ANKS1B: variants seen among roughly 807,000 people sequenced by gnomAD.
ANKS1B encodes the protein ankyrin repeat and sterile alpha motif domain containing 1B.
A neutral mutation model predicts 148.3 loss-of-function variants in ANKS1B; 36 were observed. The observed-to-expected ratio is 0.24, with a 90% CI of 0.19 to 0.32. ANKS1B has a LOEUF of 0.32. Among genes scored for constraint, ANKS1B ranks in the 10% least tolerant of loss-of-function variants. ANKS1B has a pLI of 1.00. For missense variants in ANKS1B, 1,157 were observed against 1,542.6 expected, an observed-to-expected ratio of 0.75 and a Z score of 4.19; for synonymous variants, 542 against 560.8, an observed-to-expected ratio of 0.97 and a Z score of 0.47.
chr12:99,005,608 G>T (rs923489255), intron 17 of ANKS1B, among the ~76,000 whole-genome samples: 2 of 152,010 alleles, frequency 1.3e-5, no homozygotes, highest in Non-Finnish European at 2.9e-5. Flanking sequence ...TTTCCCTCTC[G>T]ATTGCTTTAG....
chr12:98,736,333 A>C (rs927853518), intron 9 of ANKS1B, among the ~76,000 whole-genome samples: 5 of 152,206 alleles, frequency 3.3e-5, no homozygotes, highest in Non-Finnish European at 7.3e-5. Context: ...TGAAGATAAG[A>C]GTTAATAGGA....
intron 6 of ANKS1B, among the ~76,000 whole-genome samples, chr12:99,778,205 G>GA (rs139497214): frequency 0.019 from 2,849 of 148,834 alleles, 93 homozygotes; most frequent in African/African-American, 0.066. Context: ...CTCTCAAAAA[G>GA]AAAAAAAAAG....
chr12:99,214,549 T>G (rs1646336901), intron 14 of ANKS1B, among the ~76,000 whole-genome samples: 1 of 152,220 alleles, frequency 6.6e-6, no homozygotes, highest in South Asian at 2.1e-4. Context: ...ATGCCTTTGC[T>G]TCTCCTTTGC....
At chr12:98,795,873 T>C (rs1056291399) in intron 22 of ANKS1B, among the ~76,000 whole-genome samples, 2 of 152,168 alleles carry the variant, frequency 1.3e-5, no homozygotes, top group African/African-American at 4.8e-5. Flanking sequence ...TTTTCCCATA[T>C]GTAAAGTGGG....
intron 17 of ANKS1B, among the ~76,000 whole-genome samples, chr12:98,997,307 C>T (rs931615749): frequency 5.3e-5 from 8 of 151,798 alleles, no homozygotes; most frequent in Admixed American, 1.3e-4. Flanking sequence ...CTTTGTATTC[C>T]GTATATTGAT....
At chr12:99,929,370 T>A (rs1443377720) in intron 1 of ANKS1B, among the ~76,000 whole-genome samples, 1 of 152,112 alleles carries the variant, frequency 6.6e-6, no homozygotes, top group East Asian at 1.9e-4. Flanking sequence ...TAAATTTGTT[T>A]GAGTTCATTG....
intron 1 of ANKS1B, among the ~76,000 whole-genome samples, chr12:99,863,371 C>T (rs2090293796): frequency 6.6e-6 from 1 of 152,102 alleles, no homozygotes; most frequent in South Asian, 2.1e-4. Flanking sequence ...ATCCTTCAAG[C>T]ATTACATTTT....
At chr12:99,154,903 A>C (rs923040349) in intron 14 of ANKS1B, 1 of 1,535,346 alleles carries the variant, frequency 6.5e-7, no homozygotes, top group Non-Finnish European at 8.7e-7. Context: ...AATAATAGCC[A>C]TCAGATAAGG....
At chr12:98,840,509 G>A (rs12813822) in intron 17 of ANKS1B, among the ~76,000 whole-genome samples, 5 of 152,168 alleles carry the variant, frequency 3.3e-5, no homozygotes, top group African/African-American at 4.8e-5. Flanking sequence ...GGAGGAATGC[G>A]TGTTTTCTGA....
chr12:99,736,479 A>G (rs2059627280), intron 8 of ANKS1B, among the ~76,000 whole-genome samples: 1 of 151,570 alleles, frequency 6.6e-6, no homozygotes, highest in Non-Finnish European at 1.5e-5. Flanking sequence ...AAAGAAACCA[A>G]GAAGGCAATC....
chr12:98,778,093 T>C (rs1425230297), intron 24 of ANKS1B, among the ~76,000 whole-genome samples: 1 of 152,210 alleles, frequency 6.6e-6, no homozygotes, highest in Non-Finnish European at 1.5e-5. Context: ...CCAGGGCAGA[T>C]TAAACAATCA....
At chr12:99,068,713 G>C (rs1280581087) in intron 16 of ANKS1B, among the ~76,000 whole-genome samples, 1 of 151,746 alleles carries the variant, frequency 6.6e-6, no homozygotes, top group Non-Finnish European at 1.5e-5. Flanking sequence ...CAGAGAGAGA[G>C]AGAGAGAGAG....
intron 1 of ANKS1B, among the ~76,000 whole-genome samples, chr12:99,948,233 G>C (rs2095120996): frequency 6.6e-6 from 1 of 151,924 alleles, no homozygotes; most frequent in African/African-American, 2.4e-5. Context: ...AAAGCGAAAA[G>C]ACCTTGAAGA....
intron 10 of ANKS1B, among the ~76,000 whole-genome samples, chr12:99,489,277 T>C (rs1283080977): frequency 3.4e-5 from 5 of 149,112 alleles, no homozygotes; most frequent in African/African-American, 1.2e-4. Context: ...CACAAATGTA[T>C]ATACACCAAA....
intron 5 of ANKS1B, 86 bp downstream of exon 5, chr12:99,781,936 G>A: frequency 1.7e-6 from 2 of 1,185,570 alleles, no homozygotes; most frequent in Non-Finnish European, 2.4e-6. Context: ...GATTTGTGAA[G>A]AAAACTGTGT....
At chr12:99,234,335 C>T (rs1038150263) in intron 14 of ANKS1B, among the ~76,000 whole-genome samples, 2 of 152,082 alleles carry the variant, frequency 1.3e-5, no homozygotes, top group African/African-American at 4.8e-5. Context: ...CTTTCTGTGC[C>T]AGGGTACTCT....
chr12:99,917,035 C>G (rs1172442554), intron 1 of ANKS1B, among the ~76,000 whole-genome samples: 1 of 152,196 alleles, frequency 6.6e-6, no homozygotes, highest in African/African-American at 2.4e-5. Context: ...TTGAGTAGCA[C>G]TGTTCTAAAG....
At chr12:99,795,223 T>C (rs142366269) in intron 4 of ANKS1B, among the ~76,000 whole-genome samples, 201 of 151,828 alleles carry the variant, frequency 1.3e-3, no homozygotes, top group African/African-American at 4.0e-3. Flanking sequence ...CCTGGACATA[T>C]CACAGTAAAA....
intron 8 of ANKS1B, among the ~76,000 whole-genome samples, chr12:99,724,524 A>C (rs2058424715): frequency 6.6e-6 from 1 of 152,202 alleles, no homozygotes; most frequent in Non-Finnish European, 1.5e-5. Context: ...CCGAACCTAC[A>C]ATTGACTGGA....
Sources: gnomAD v4.1 joint callset for allele counts (sites outside exome capture counted in the v4.1 genomes callset) on GRCh38, gnomAD v4.1.1 for gene constraint, MANE v1.5 for transcripts, NCBI Gene and HGNC (gene_info 2026-07-23, HGNC 2026-07-21) for gene names.